TRAPPC9: variants seen among roughly 807,000 people sequenced by gnomAD.
TRAPPC9 encodes the protein trafficking protein particle complex subunit 9, also known as IKK2 binding protein.
In TRAPPC9, 83 loss-of-function variants were observed where a neutral mutation model predicts 124.0. That is an observed-to-expected ratio of 0.67 (90% CI 0.56 to 0.80). TRAPPC9 has a LOEUF of 0.80. Ranked by LOEUF, TRAPPC9 falls within the 30% of genes least tolerant of loss-of-function variation. The pLI is 0.00. For synonymous variants in TRAPPC9, 638 were observed against 617.5 expected (o/e 1.03, Z -0.49); for missense variants, 1,302 against 1,508.3 (o/e 0.86, Z 2.27).
chr8:140,421,897 T>C (rs2132523272), intron 5 of TRAPPC9, among the ~76,000 whole-genome samples: 1 of 142,936 alleles, frequency 7.0e-6, no homozygotes, highest in African/African-American at 2.6e-5. Flanking sequence ...AGAAATTAAC[T>C]GATAGCAATG....
At chr8:140,160,238 C>T (rs4557681) in intron 17 of TRAPPC9, among the ~76,000 whole-genome samples, 86,211 of 151,942 alleles carry the variant, frequency 0.57, 25,290 homozygotes, top group East Asian at 0.99. Flanking sequence ...GACAGTGTGG[C>T]GATCCCTCAA....
chr8:139,899,371 A>G (rs1205523304), intron 20 of TRAPPC9, among the ~76,000 whole-genome samples: 1 of 152,174 alleles, frequency 6.6e-6, no homozygotes, highest in African/African-American at 2.4e-5. Context: ...ATATTATTAC[A>G]ATAAAGTAAG....
At chr8:140,109,052 G>A (rs7830900) in intron 17 of TRAPPC9, among the ~76,000 whole-genome samples, 118,652 of 152,162 alleles carry the variant, frequency 0.78, 47,026 homozygotes, top group African/African-American at 0.93. Flanking sequence ...TTTCCTTTCC[G>A]ATTCTGAAAC....
chr8:140,086,153 G>C (rs1844172568), intron 17 of TRAPPC9, among the ~76,000 whole-genome samples: 1 of 152,210 alleles, frequency 6.6e-6, no homozygotes, highest in Non-Finnish European at 1.5e-5. Context: ...TGGATCGTGT[G>C]CTGGAGAGCG....
At chr8:139,980,874 C>A (rs1479058336) in intron 19 of TRAPPC9, among the ~76,000 whole-genome samples, 3 of 152,164 alleles carry the variant, frequency 2.0e-5, no homozygotes, top group African/African-American at 7.2e-5. Flanking sequence ...CATTTCCCCA[C>A]CGCAGAAGCC....
At chr8:139,889,594 T>C (rs960830119) in intron 20 of TRAPPC9, among the ~76,000 whole-genome samples, 1 of 152,096 alleles carries the variant, frequency 6.6e-6, no homozygotes, top group Non-Finnish European at 1.5e-5. Context: ...AATTTGAAAA[T>C]GTTTCACACT....
intron 13 of TRAPPC9, 48 bp downstream of exon 13, chr8:140,287,560 G>T (rs1239137887): frequency 6.2e-7 from 1 of 1,612,250 alleles, no homozygotes; most frequent in Non-Finnish European, 8.5e-7. Context: ...GCCATGCAAG[G>T]GTTCAGCAGA....
upstream of TRAPPC9, chr8:140,458,302 T>G (rs1328272221): frequency 1.3e-6 from 2 of 1,562,476 alleles, no homozygotes; most frequent in Non-Finnish European, 1.7e-6. Flanking sequence ...GGCGCGCAGC[T>G]CAAATTTCAC....
chr8:140,324,315 A>G (rs552119841), intron 9 of TRAPPC9, among the ~76,000 whole-genome samples: 15 of 152,362 alleles, frequency 9.8e-5, no homozygotes, highest in African/African-American at 3.4e-4. Context: ...GAATGGACAC[A>G]TTTCAAAATG....
chr8:140,430,925 C>A (rs758209544), intron 4 of TRAPPC9, among the ~76,000 whole-genome samples: 3 of 152,038 alleles, frequency 2.0e-5, no homozygotes, highest in Admixed American at 2.0e-4. Flanking sequence ...CAGGTGTGAG[C>A]CACCATGCCC....
In TRAPPC9 at chr8:139,740,234, T is replaced by C. The variant is rs775027730; in HGVS notation, c.3056-8032A>G. Among the ~76,000 whole-genome samples the C allele has an allele frequency of 2.0e-5, 3 of 152,236 alleles. No homozygotes were observed. In the South Asian group the frequency reaches 6.2e-4, roughly 32 times the overall value. On this transcript the variant is annotated intron_variant, in intron 21 of 22. Transcript: ENST00000438773. ...CTCCTGTCCCTGGCCCTGCTTCTGT[T>C]TCACATTTAATACCAGCCAGAGTTA...
intron 19 of TRAPPC9, among the ~76,000 whole-genome samples, chr8:139,914,488 T>C (rs1831978253): frequency 6.6e-6 from 1 of 152,186 alleles, no homozygotes; most frequent in Admixed American, 6.5e-5. Context: ...CAGCGGGAGA[T>C]GGCGGCAGGC....
chr8:140,390,631 C>A (rs1454622543), intron 7 of TRAPPC9, among the ~76,000 whole-genome samples: 3 of 152,202 alleles, frequency 2.0e-5, no homozygotes, highest in East Asian at 3.8e-4. Context: ...CACAGCCCAG[C>A]GGGGCATCAG....
chr8:140,447,778 G>A (rs1179835913), intron 2 of TRAPPC9, among the ~76,000 whole-genome samples: 1 of 152,100 alleles, frequency 6.6e-6, no homozygotes, highest in African/African-American at 2.4e-5. Context: ...TTTCAGGTTG[G>A]ACACTTCCTC....
intron 9 of TRAPPC9, among the ~76,000 whole-genome samples, chr8:140,324,282 G>C (rs1438926767): frequency 6.6e-6 from 1 of 152,140 alleles, no homozygotes; most frequent in African/African-American, 2.4e-5. Flanking sequence ...AGACAAAGGG[G>C]ATTTCAGTGT....
intron 21 of TRAPPC9, among the ~76,000 whole-genome samples, chr8:139,829,217 CTT>C (rs1230060815): frequency 1.3e-5 from 2 of 152,246 alleles, no homozygotes; most frequent in African/African-American, 4.8e-5. Context: ...GGTATAAAGT[CTT>C]TGCTCTCTCT....
At chr8:140,149,806 C>A (rs181502796) in intron 17 of TRAPPC9, among the ~76,000 whole-genome samples, 136 of 142,714 alleles carry the variant, frequency 9.5e-4, no homozygotes, top group African/African-American at 3.4e-3. Flanking sequence ...AAGGTCTGCT[C>A]GCCTTGACGC....
At chr8:139,925,149 T>A (rs992306398) in intron 19 of TRAPPC9, among the ~76,000 whole-genome samples, 1 of 152,160 alleles carries the variant, frequency 6.6e-6, no homozygotes, top group African/African-American at 2.4e-5. Flanking sequence ...AGTCGACACA[T>A]GGAATGAGCT....
At chr8:139,816,160 G>A (rs1171443573) in intron 21 of TRAPPC9, among the ~76,000 whole-genome samples, 1 of 152,244 alleles carries the variant, frequency 6.6e-6, no homozygotes, top group East Asian at 1.9e-4. Flanking sequence ...GAAGCTTCTG[G>A]AAGGGGTGGT....
Sources: gnomAD v4.1 joint callset for allele counts (sites outside exome capture counted in the v4.1 genomes callset) on GRCh38, gnomAD v4.1.1 for gene constraint, MANE v1.5 for transcripts, NCBI Gene and HGNC (gene_info 2026-07-23, HGNC 2026-07-21) for gene names.